TMTC1: variants seen among roughly 807,000 people sequenced by gnomAD.
TMTC1 encodes protein O-mannosyl-transferase TMTC1.
TMTC1 carries 73 observed loss-of-function variants against 104.8 expected under a neutral mutation model. The observed-to-expected ratio is 0.70, with a 90% CI of 0.58 to 0.85. TMTC1 has a LOEUF of 0.85. TMTC1 is among the 40% of genes least tolerant of loss of function. The probability of loss-of-function intolerance (pLI) is 0.00; values close to 1 mark genes in which losing one functional copy is unlikely to be tolerated. For synonymous variants in TMTC1, 434 were observed against 428.7 expected (o/e 1.01, Z -0.15); for missense variants, 1,035 against 1,096.1 (o/e 0.94, Z 0.79).
chr12:29,526,552 G>C (rs901313220), intron 11 of TMTC1, among the ~76,000 whole-genome samples: 1 of 152,154 alleles, frequency 6.6e-6, no homozygotes, highest in African/African-American at 2.4e-5. Flanking sequence ...AACCCAGTCA[G>C]TCTCTTCATT....
intron 5 of TMTC1, among the ~76,000 whole-genome samples, chr12:29,701,028 C>CTTT (rs761664217): frequency 0.022 from 3,184 of 142,832 alleles, 119 homozygotes; most frequent in African/African-American, 0.077. Flanking sequence ...GAATTTCTTT[C>CTTT]TTTTTTTTTT....
intron 5 of TMTC1, among the ~76,000 whole-genome samples, chr12:29,657,126 C>T (rs1181936797): frequency 6.6e-6 from 1 of 152,164 alleles, no homozygotes; most frequent in African/African-American, 2.4e-5. Context: ...AGGGAACATG[C>T]TATGTCTAAC....
At chr12:29,702,746 A>G (rs1044218247) in intron 5 of TMTC1, among the ~76,000 whole-genome samples, 3 of 152,232 alleles carry the variant, frequency 2.0e-5, no homozygotes, top group African/African-American at 7.2e-5. Flanking sequence ...CACTCATTTC[A>G]GAGTTGTTTT....
chr12:29,687,228 T>A (rs1941121973), intron 5 of TMTC1, among the ~76,000 whole-genome samples: 1 of 152,216 alleles, frequency 6.6e-6, no homozygotes, highest in South Asian at 2.1e-4. Flanking sequence ...ACTGATACAC[T>A]TTAAGTGGTC....
intron 5 of TMTC1, among the ~76,000 whole-genome samples, chr12:29,724,020 T>C (rs1228782828): frequency 6.6e-6 from 1 of 152,140 alleles, no homozygotes; most frequent in Non-Finnish European, 1.5e-5. Context: ...GACCAGAATA[T>C]AGTGTGAATC....
intron 8 of TMTC1, 149 bp downstream of exon 8, chr12:29,583,258 C>T (rs1275399052): frequency 2.9e-6 from 2 of 678,908 alleles, no homozygotes; most frequent in Admixed American, 3.5e-5. Flanking sequence ...TAAAACCCCA[C>T]ATAAAATTAC....
chr12:29,674,315 A>ATAAG (rs368536871), intron 5 of TMTC1, among the ~76,000 whole-genome samples: 84,026 of 151,824 alleles, frequency 0.55, 23,465 homozygotes, highest in African/African-American at 0.63. Flanking sequence ...GTCTCACCAC[A>ATAAG]GTGCCCAGCA....
At chr12:29,615,796 G>A (rs1216169161) in intron 6 of TMTC1, among the ~76,000 whole-genome samples, 1 of 152,160 alleles carries the variant, frequency 6.6e-6, no homozygotes, top group African/African-American at 2.4e-5. Context: ...TTTTTCAGGT[G>A]GTATTGCTAA....
intron 5 of TMTC1, among the ~76,000 whole-genome samples, chr12:29,649,143 T>C (rs111765341): frequency 0.015 from 2,291 of 152,254 alleles, 55 homozygotes; most frequent in African/African-American, 0.053. Flanking sequence ...TCCCAACTAC[T>C]ATCCTGACTT....
rs112573789 is a variant in TMTC1, at chr12:29,662,993, A to G, written c.939-29657T>C. Among the ~76,000 whole-genome samples, 1,091 of 152,302 alleles carry G rather than the reference A, an allele frequency of 7.2e-3. 15 individuals are homozygous for G. The highest frequency in any genetic ancestry group is 0.025 in the African/African-American group (1,045 of 41,558). On this transcript the variant is annotated intron_variant, in intron 5 of 17. Coordinates refer to ENST00000539277, the MANE Select transcript of TMTC1 (RefSeq NM_001193451.2). ...AACAGAGAGCTTGACAAGAAAGAAC[A>G]CCAGGGATACTGTCAGCTCTCACAA... is the stretch of plus-strand genomic sequence containing the variant.
chr12:29,522,586 G>GTA (rs1944207844), intron 11 of TMTC1, among the ~76,000 whole-genome samples: 1 of 140,064 alleles, frequency 7.1e-6, no homozygotes, highest in African/African-American at 2.7e-5. Context: ...GTGTGTGTGT[G>GTA]TAATGAAGAC....
chr12:29,559,307 T>C (rs570112812), intron 9 of TMTC1, among the ~76,000 whole-genome samples: 35 of 152,334 alleles, frequency 2.3e-4, no homozygotes, highest in African/African-American at 8.4e-4. Context: ...CTGTTTGCTC[T>C]GTAAGCAGCC....
chr12:29,718,420 G>C (rs1356760816), intron 5 of TMTC1, among the ~76,000 whole-genome samples: 1 of 152,170 alleles, frequency 6.6e-6, no homozygotes, highest in East Asian at 1.9e-4. Context: ...GTAAAGAAGA[G>C]AGTCACAGAA....
intron 5 of TMTC1, among the ~76,000 whole-genome samples, chr12:29,681,792 T>G (rs532460136): frequency 6.6e-6 from 1 of 152,200 alleles, no homozygotes. Flanking sequence ...TAGAAATTAT[T>G]TGTATATGGT....
chr12:29,772,450 G>A (rs1565827019), intron 1 of TMTC1, among the ~76,000 whole-genome samples: 1 of 152,098 alleles, frequency 6.6e-6, no homozygotes, highest in Non-Finnish European at 1.5e-5. Context: ...CAAAATGACT[G>A]CTTGAAGAAA....
chr12:29,781,572 A>C (rs1361678991), intron 1 of TMTC1, among the ~76,000 whole-genome samples: 1 of 152,246 alleles, frequency 6.6e-6, no homozygotes, highest in African/African-American at 2.4e-5. Flanking sequence ...CATGCCCACA[A>C]GTCCAGCACA....
chr12:29,539,964 C>A lies in TMTC1; in HGVS notation c.1677-3647G>T, dbSNP rs148535010. ...ATTCAACTCTGGTTCCCAGAGACAC[C>A]TTCCCTGACTTGCCCAGCTCAAAGC... On this transcript the variant is annotated intron_variant, in intron 10 of 17. Coordinates refer to ENST00000539277, the MANE Select transcript of TMTC1 (RefSeq NM_001193451.2). Among the ~76,000 whole-genome samples, 19 of 152,342 alleles carry A rather than the reference C, an allele frequency of 1.2e-4. No homozygotes were observed. The East Asian group carries it at 3.7e-3, about 29-fold the overall frequency.
At chr12:29,729,818 C>A (rs1043701419) in intron 5 of TMTC1, among the ~76,000 whole-genome samples, 2 of 152,144 alleles carry the variant, frequency 1.3e-5, no homozygotes, top group Non-Finnish European at 2.9e-5. Flanking sequence ...ATTCTAGGTG[C>A]TGAGGACACG....
intron 17 of TMTC1, among the ~76,000 whole-genome samples, chr12:29,508,476 C>T (rs555510187): frequency 1.4e-4 from 22 of 152,254 alleles, no homozygotes; most frequent in African/African-American, 5.3e-4. Context: ...AATGTCAGCC[C>T]CAGTGAAGTG....
Sources: gnomAD v4.1 joint callset for allele counts (sites outside exome capture counted in the v4.1 genomes callset) on GRCh38, gnomAD v4.1.1 for gene constraint, MANE v1.5 for transcripts, NCBI Gene and HGNC (gene_info 2026-07-23, HGNC 2026-07-21) for gene names.